Variants in ZNHIT6 observed in about 807,000 individuals in gnomAD.
ZNHIT6 encodes zinc finger HIT-type containing 6, also known as box C/D snoRNA protein 1.
A neutral mutation model predicts 57.2 loss-of-function variants in ZNHIT6; 45 were observed. That is an observed-to-expected ratio of 0.79 (90% CI 0.62 to 1.01). The LOEUF (loss-of-function observed/expected upper bound fraction) is 1.01. Among genes scored for constraint, ZNHIT6 ranks in the 50% least tolerant of loss-of-function variants. The pLI, the probability that ZNHIT6 is intolerant of heterozygous loss-of-function variation, is 0.00. For missense variants in ZNHIT6, 528 were observed against 567.3 expected (o/e 0.93, Z 0.70); for synonymous variants, 188 against 190.0 (o/e 0.99, Z 0.09).
intron 5 of ZNHIT6, among the ~76,000 whole-genome samples, chr1:85,697,149 C>T (rs963710092): frequency 6.6e-6 from 1 of 152,054 alleles, no homozygotes; most frequent in African/African-American, 2.4e-5. Context: ...GGATTACAGG[C>T]GTGAGCCACC....
intron 9 of ZNHIT6, among the ~76,000 whole-genome samples, chr1:85,654,602 A>G (rs1028657779): frequency 1.3e-5 from 2 of 152,134 alleles, no homozygotes; most frequent in African/African-American, 2.4e-5. Flanking sequence ...AAGACTAACT[A>G]TGACTCACTC....
intron 5 of ZNHIT6, among the ~76,000 whole-genome samples, chr1:85,699,953 C>T (rs888520703): frequency 1.3e-5 from 2 of 151,858 alleles, no homozygotes; most frequent in African/African-American, 4.8e-5. Flanking sequence ...AATCTAGCTG[C>T]AGGAAAAAAG....
At chr1:85,678,150 T>C (rs1661759875) in intron 7 of ZNHIT6, among the ~76,000 whole-genome samples, 1 of 152,216 alleles carries the variant, frequency 6.6e-6, no homozygotes, top group Non-Finnish European at 1.5e-5. Flanking sequence ...CTTTCCACTA[T>C]GTTATGTTAA....
chr1:85,665,470 C>G (rs1288449495), intron 8 of ZNHIT6, among the ~76,000 whole-genome samples: 1 of 151,918 alleles, frequency 6.6e-6, no homozygotes, highest in African/African-American at 2.4e-5. Flanking sequence ...GAAATAATAT[C>G]ATAATCAAGC....
intron 4 of ZNHIT6, 68 bp from the exon 5 acceptor site, chr1:85,702,328 A>G (rs1375914274): frequency 2.2e-6 from 2 of 909,704 alleles, no homozygotes; most frequent in African/African-American, 1.7e-5. Flanking sequence ...GAGTAAAACA[A>G]TGTTCAATAA....
intron 8 of ZNHIT6, among the ~76,000 whole-genome samples, chr1:85,676,136 A>G (rs112268001): frequency 0.06 from 9,189 of 152,174 alleles, 349 homozygotes; most frequent in African/African-American, 0.11. Context: ...CGGGAGTTTG[A>G]GACCAGCCTG....
intron 9 of ZNHIT6, among the ~76,000 whole-genome samples, chr1:85,655,439 G>A (rs945640242): frequency 6.6e-6 from 1 of 152,170 alleles, no homozygotes; most frequent in Non-Finnish European, 1.5e-5. Flanking sequence ...TCAATTTTGG[G>A]TTGGATTCCT....
At chr1:85,690,094 C>T (rs1333271564) in intron 5 of ZNHIT6, among the ~76,000 whole-genome samples, 2 of 152,124 alleles carry the variant, frequency 1.3e-5, no homozygotes, top group African/African-American at 4.8e-5. Context: ...AATAAAAAGA[C>T]ATTCTAGGAT....
chr1:85,653,176 T>C lies in ZNHIT6; in HGVS notation c.*882A>G, dbSNP rs1201431256. 1 of 152,194 alleles carries C rather than the reference T, an allele frequency of 6.6e-6. No homozygotes were observed. The highest frequency in any genetic ancestry group is 6.5e-5 in the Admixed American group (1 of 15,274). 9.4% of individuals were successfully genotyped at this position (152,194 alleles called of 1,614,324 possible). On this transcript the variant is annotated 3_prime_UTR_variant, in exon 10 of 10. Transcript: ENST00000370574. ...TTGTTATCACTAATGGCTCAAACAA[T>C]GTGGAGCCACTGATTTTCTGAAGTG...
intron 5 of ZNHIT6, among the ~76,000 whole-genome samples, chr1:85,692,047 T>A (rs1352712283): frequency 1.3e-5 from 2 of 152,076 alleles, no homozygotes; most frequent in African/African-American, 2.4e-5. Flanking sequence ...CGCGCACCTA[T>A]AATCCCAGCT....
At chr1:85,667,292 G>A (rs1661394698) in intron 8 of ZNHIT6, among the ~76,000 whole-genome samples, 1 of 152,094 alleles carries the variant, frequency 6.6e-6, no homozygotes, top group African/African-American at 2.4e-5. Context: ...ATAAAAGTAT[G>A]TCATTCATAC....
chr1:85,657,664 CT>C (rs1383258470), intron 9 of ZNHIT6, among the ~76,000 whole-genome samples, 182 bp downstream of exon 9: 3 of 152,090 alleles, frequency 2.0e-5, no homozygotes, highest in African/African-American at 7.2e-5. Context: ...ATTATACGCT[CT>C]TAGAAACAGA....
chr1:85,672,469 AT>A (rs766247481), intron 8 of ZNHIT6, among the ~76,000 whole-genome samples: 32 of 152,198 alleles, frequency 2.1e-4, no homozygotes, highest in Non-Finnish European at 4.0e-4. Flanking sequence ...TGTTTATGAC[AT>A]ACCATGCCCT....
At chr1:85,668,451 TCAA>T (rs1287259496) in intron 8 of ZNHIT6, among the ~76,000 whole-genome samples, 1 of 152,168 alleles carries the variant, frequency 6.6e-6, no homozygotes, top group East Asian at 1.9e-4. Context: ...CACTAATTCT[TCAA>T]CAGTTATTTT....
chr1:85,691,796 G>A (rs1044311241), intron 5 of ZNHIT6, among the ~76,000 whole-genome samples: 30 of 152,112 alleles, frequency 2.0e-4, no homozygotes, highest in Non-Finnish European at 1.5e-4. Flanking sequence ...GGACGCACAA[G>A]AATCATTTGA....
intron 5 of ZNHIT6, among the ~76,000 whole-genome samples, chr1:85,690,578 T>C (rs1662188427): frequency 6.6e-6 from 1 of 152,176 alleles, no homozygotes; most frequent in Non-Finnish European, 1.5e-5. Flanking sequence ...GAGTACTCCA[T>C]CACAACACTA....
intron 4 of ZNHIT6, among the ~76,000 whole-genome samples, chr1:85,704,726 T>C (rs1405452650): frequency 6.6e-6 from 1 of 152,170 alleles, no homozygotes; most frequent in Non-Finnish European, 1.5e-5. Context: ...ATATGTGTAA[T>C]GTAATTATGT....
rs375535000 is a variant in ZNHIT6 at position 85,707,774 on chromosome 1, A to G, written c.511T>C (p.Cys171Arg). 4.3e-6 allele frequency: 7 copies of G among 1,614,064 alleles called. No homozygotes were observed. The African/African-American group carries it at 9.3e-5, about 22-fold the overall frequency. The stretch of plus-strand genomic sequence containing the variant: ...CCATGCATCAATTCCTCTTTTATGC[A>G]TTGACCAACAAACTTCTCCTCCTGT... ...IKQEEKFVGQ[C>R]IKEELMHGEC... The change falls in exon 1 of 10, where the codon TGC (cysteine) becomes CGC (arginine). Residue 171 changes from cysteine (C) to arginine (R), a missense_variant. Coordinates refer to ENST00000370574, the MANE Select transcript of ZNHIT6 (RefSeq NM_017953.4).
intron 5 of ZNHIT6, among the ~76,000 whole-genome samples, chr1:85,697,185 TCCTCTGC>T (rs761958855): frequency 2.0e-5 from 3 of 152,152 alleles, no homozygotes; most frequent in Non-Finnish European, 4.4e-5. Flanking sequence ...TCTATTCTTA[TCCTCTGC>T]CCCTTTCCTA....
Sources: gnomAD v4.1 joint callset for allele counts (sites outside exome capture counted in the v4.1 genomes callset) on GRCh38, gnomAD v4.1.1 for gene constraint, MANE v1.5 for transcripts, NCBI Gene and HGNC (gene_info 2026-07-23, HGNC 2026-07-21) for gene names.